Variants in PARD3B observed in about 807,000 individuals in gnomAD.
The protein encoded by PARD3B is par-3 family cell polarity regulator beta.
PARD3B carries 103 observed loss-of-function variants against 130.2 expected under a neutral mutation model. The ratio of observed to expected loss-of-function variants is 0.79; its 90% CI spans 0.67 to 0.93. The LOEUF (loss-of-function observed/expected upper bound fraction) is 0.93. Ranked by LOEUF, PARD3B falls within the 40% of genes least tolerant of loss-of-function variation. The probability of loss-of-function intolerance (pLI) is 0.00; values close to 1 mark genes in which losing one functional copy is unlikely to be tolerated. For synonymous variants in PARD3B, 583 were observed against 553.2 expected (o/e 1.05, Z -0.76); for missense variants, 1,609 against 1,499.2 (o/e 1.07, Z -1.21).
intron 2 of PARD3B, among the ~76,000 whole-genome samples, chr2:204,712,097 T>C (rs2038467626): frequency 6.6e-6 from 1 of 152,210 alleles, no homozygotes; most frequent in Non-Finnish European, 1.5e-5. Context: ...AAATAGTCTT[T>C]ATCATTTCAC....
At position 205,504,163 on chromosome 2, in the gene PARD3B, A is replaced by C. The variant is rs183570406; in HGVS notation, c.3180+4132A>C. 1.7e-4 allele frequency among the ~76,000 whole-genome samples: 26 copies of C among 152,334 alleles called. No homozygotes were observed. The East Asian group carries it at 5.0e-3, about 29-fold the overall frequency. On this transcript the variant is annotated intron_variant, in intron 21 of 22. Coordinates refer to ENST00000406610, the MANE Select transcript of PARD3B (RefSeq NM_001302769.2). ...GGGGAAATAATTCCCTATTTAATAA[A>C]TGGTGCTGGGAAAACTGGCCAGCCA...
chr2:205,526,238 G>A (rs2051330567), intron 21 of PARD3B, among the ~76,000 whole-genome samples: 1 of 152,156 alleles, frequency 6.6e-6, no homozygotes, highest in Non-Finnish European at 1.5e-5. Flanking sequence ...TCACATCTGG[G>A]TGTCTGTGGT....
intron 3 of PARD3B, among the ~76,000 whole-genome samples, chr2:204,982,241 T>G (rs1483413213): frequency 1.3e-5 from 2 of 152,208 alleles, no homozygotes; most frequent in African/African-American, 4.8e-5. Context: ...TTGAAACCAC[T>G]GTAATTATAT....
intron 22 of PARD3B, among the ~76,000 whole-genome samples, chr2:205,582,733 T>C (rs1018061517): frequency 1.3e-5 from 2 of 151,424 alleles, no homozygotes; most frequent in African/African-American, 2.4e-5. Flanking sequence ...GATTGGGAGC[T>C]AGTAAAGGAA....
chr2:205,587,077 A>G (rs2058713), intron 22 of PARD3B, among the ~76,000 whole-genome samples: 146,398 of 152,300 alleles, frequency 0.96, 70,637 homozygotes, highest in East Asian at 1. Flanking sequence ...TGTGTTAAGA[A>G]TCACATTGAT....
chr2:205,474,711 C>A (rs1424872157), intron 20 of PARD3B, among the ~76,000 whole-genome samples: 1 of 152,090 alleles, frequency 6.6e-6, no homozygotes, highest in Admixed American at 6.6e-5. Flanking sequence ...AACATATTGC[C>A]AACAATTTTC....
rs186671252 is a variant in PARD3B at position 204,702,252 on chromosome 2, A to G, written c.222+15970A>G. Among the ~76,000 whole-genome samples the G allele has an allele frequency of 2.6e-3, 388 of 152,108 alleles. 1 individual carries two copies. Among genetic ancestry groups the G allele is most frequent in the African/African-American group, 9.1e-3 (376 of 41,414 alleles). On this transcript the variant is annotated intron_variant, in intron 2 of 22. Coordinates refer to ENST00000406610, the MANE Select transcript of PARD3B (RefSeq NM_001302769.2). ...GTAGAGGATTTGTTTTCTTTTGGCT[A>G]TGTACCCAATAGTGGGATTGCTGGG...
chr2:205,102,719 C>T (rs182575961), intron 4 of PARD3B, among the ~76,000 whole-genome samples: 12 of 152,138 alleles, frequency 7.9e-5, no homozygotes, highest in Non-Finnish European at 1.6e-4. Flanking sequence ...TTTTTTTTAA[C>T]TCATTTCACT....
chr2:205,601,161 T>C (rs2054770419), intron 22 of PARD3B, among the ~76,000 whole-genome samples: 1 of 152,168 alleles, frequency 6.6e-6, no homozygotes, highest in South Asian at 2.1e-4. Context: ...CTCGCTGGCA[T>C]CTGTTGTTTC....
chr2:205,439,652 G>T (rs938504175), intron 19 of PARD3B, among the ~76,000 whole-genome samples: 10 of 152,078 alleles, frequency 6.6e-5, no homozygotes, highest in African/African-American at 2.4e-4. Context: ...ATCACTTAAG[G>T]CTTTAGCACT....
At chr2:205,464,193 T>G (rs2048545905) in intron 20 of PARD3B, among the ~76,000 whole-genome samples, 1 of 152,184 alleles carries the variant, frequency 6.6e-6, no homozygotes, top group South Asian at 2.1e-4. Flanking sequence ...AAGGTTTGCC[T>G]TTGTATTTAC....
At chr2:205,238,148 C>T (rs2039152742) in intron 15 of PARD3B, among the ~76,000 whole-genome samples, 1 of 152,134 alleles carries the variant, frequency 6.6e-6, no homozygotes, top group Non-Finnish European at 1.5e-5. Flanking sequence ...CGGTGCTAGA[C>T]GTGGTACTAG....
chr2:205,035,798 C>CATATAT (rs1167207296), intron 3 of PARD3B, among the ~76,000 whole-genome samples: 8 of 18,894 alleles, frequency 4.2e-4, no homozygotes, highest in Admixed American at 3.1e-3. Flanking sequence ...AGATATATCT[C>CATATAT]ATATATATAT....
chr2:204,549,676 C>A (rs923168349), intron 1 of PARD3B, among the ~76,000 whole-genome samples: 7 of 152,116 alleles, frequency 4.6e-5, no homozygotes, highest in African/African-American at 1.7e-4. Context: ...TGGCTGAACT[C>A]ATTGGATTTT....
rs148728828 is a variant in PARD3B, at chr2:205,286,277, G to A, written c.2186-14253G>A. Among the ~76,000 whole-genome samples the A allele has an allele frequency of 5.4e-3, 815 of 152,154 alleles. 7 individuals are homozygous for A. The highest frequency in any genetic ancestry group is 0.018 in the African/African-American group (761 of 41,512). On this transcript the variant is annotated intron_variant, in intron 16 of 22. Coordinates refer to ENST00000406610, the MANE Select transcript of PARD3B (RefSeq NM_001302769.2). ...CAACTATAAAATGAGGATAATATTAGTGTATACCTCATATAATTACATGAG... is the reference window on the plus strand; with the variant it reads ...CAACTATAAAATGAGGATAATATTAATGTATACCTCATATAATTACATGAG...
At chr2:204,792,183 A>G (rs1428313241) in intron 2 of PARD3B, among the ~76,000 whole-genome samples, 1 of 152,198 alleles carries the variant, frequency 6.6e-6, no homozygotes, top group African/African-American at 2.4e-5. Context: ...AAAATTCTGA[A>G]TAGTGAATCT....
At chr2:205,495,953 A>G (rs552612632) in intron 20 of PARD3B, among the ~76,000 whole-genome samples, 19 of 152,250 alleles carry the variant, frequency 1.2e-4, no homozygotes, top group African/African-American at 4.3e-4. Context: ...CCTATAGATT[A>G]GTAGTGGCTT....
intron 21 of PARD3B, among the ~76,000 whole-genome samples, chr2:205,500,886 G>A (rs755850466): frequency 3.9e-5 from 6 of 152,162 alleles, no homozygotes; most frequent in Admixed American, 6.6e-5. Flanking sequence ...AATGATTTCT[G>A]CCTTCTACTG....
In PARD3B at chr2:205,244,620, G is replaced by C. The variant is rs1300108924; in HGVS notation, c.2141-1158G>C. On this transcript the variant is annotated intron_variant, in intron 15 of 22. Coordinates refer to ENST00000406610, the MANE Select transcript of PARD3B (RefSeq NM_001302769.2). The surrounding 1 kb of genome is among the most constrained non-coding windows in gnomAD (Gnocchi z 4.7). ...CTTAAATGTTTGGTAGAATTCACCAGTGAAGCCATCTGGGCCTAGAGTTTT... is the reference window on the plus strand; with the variant it reads ...CTTAAATGTTTGGTAGAATTCACCACTGAAGCCATCTGGGCCTAGAGTTTT... 6.6e-6 allele frequency among the ~76,000 whole-genome samples: 1 copy of C among 152,114 alleles called. No homozygotes were observed. The highest frequency in any genetic ancestry group is 1.5e-5 in the Non-Finnish European group (1 of 68,024).
Sources: gnomAD v4.1 joint callset for allele counts (sites outside exome capture counted in the v4.1 genomes callset) on GRCh38, gnomAD v4.1.1 for gene constraint, Gnocchi (gnomAD v3.1) non-coding constraint, MANE v1.5 for transcripts, NCBI Gene and HGNC (gene_info 2026-07-23, HGNC 2026-07-21) for gene names.